The following CTIF variants were observed in gnomAD, a reference collection of about 807,000 sequenced individuals.
CTIF encodes cap binding complex dependent translation initiation factor.
In CTIF, 21 loss-of-function variants were observed where a neutral mutation model predicts 66.0. The observed-to-expected ratio is 0.32, with a 90% CI of 0.23 to 0.46. The LOEUF is 0.46. CTIF is among the 20% of genes least tolerant of loss of function. The pLI is 1.00. For synonymous variants in CTIF, 345 were observed against 326.4 expected (o/e 1.06, Z -0.62); for missense variants, 739 against 812.7 (o/e 0.91, Z 1.10).
chr18:48,740,761 C>G (rs1168931036), intron 7 of CTIF, among the ~76,000 whole-genome samples: 1 of 152,308 alleles, frequency 6.6e-6, no homozygotes, highest in East Asian at 1.9e-4. Flanking sequence ...GGAGTGGACT[C>G]CAGCTCCTGG....
chr18:48,858,382 G>A (rs1349101947), intron 11 of CTIF, among the ~76,000 whole-genome samples: 1 of 152,274 alleles, frequency 6.6e-6, no homozygotes, highest in African/African-American at 2.4e-5. Flanking sequence ...GCACCCTACA[G>A]GGGGCTTGGG....
At chr18:48,572,184 G>A (rs950855119) in intron 1 of CTIF, among the ~76,000 whole-genome samples, 7 of 151,596 alleles carry the variant, frequency 4.6e-5, no homozygotes, top group Admixed American at 6.6e-5. Flanking sequence ...CTTTGCTCGT[G>A]GGGCCTTCAA....
intron 5 of CTIF, among the ~76,000 whole-genome samples, chr18:48,670,319 G>C (rs1371475207): frequency 6.6e-6 from 1 of 152,200 alleles, no homozygotes; most frequent in Non-Finnish European, 1.5e-5. Flanking sequence ...AAAGTTGCTT[G>C]GTGTCTCTGT....
intron 3 of CTIF, among the ~76,000 whole-genome samples, chr18:48,640,199 G>A (rs1275351375): frequency 2.6e-5 from 4 of 152,174 alleles, no homozygotes; most frequent in Non-Finnish European, 5.9e-5. Flanking sequence ...CACCACCCAT[G>A]AGCACCCCGG....
chr18:48,860,579 G>GCAAA lies in CTIF; in HGVS notation c.*1023_*1026dup, dbSNP rs2069443567. On this transcript the variant is annotated 3_prime_UTR_variant, in exon 12 of 12. Coordinates refer to ENST00000256413, the MANE Select transcript of CTIF (RefSeq NM_014772.3). ...TGGTCCTGGCCCCAGGGGCCTTGTG[G>GCAAA]CAAACAGGGCACAGAACGAGACTGG... 6.5e-6 allele frequency: 1 copy of GCAAA among 152,942 alleles called. No individual in the cohort carries two copies. The highest frequency in any genetic ancestry group is 2.4e-5 in the African/African-American group (1 of 41,452). The allele number at this position is 152,942 out of a possible 1,614,324, so 9.5% of individuals were successfully genotyped here. A position where few individuals can be genotyped will look rare whatever the true frequency, so the allele number is the denominator to read the frequency against.
At chr18:48,594,931 T>C (rs571795120) in intron 1 of CTIF, among the ~76,000 whole-genome samples, 60 of 151,962 alleles carry the variant, frequency 3.9e-4, no homozygotes, top group Non-Finnish European at 4.9e-4. Flanking sequence ...ACTGCAGGAG[T>C]TGCTGTCAGG....
intron 3 of CTIF, among the ~76,000 whole-genome samples, chr18:48,644,316 A>C (rs1380154651): frequency 6.6e-6 from 1 of 152,152 alleles, no homozygotes; most frequent in Admixed American, 6.5e-5. Flanking sequence ...GGCTGTTTGC[A>C]TGGAGGGTAG....
intron 3 of CTIF, among the ~76,000 whole-genome samples, chr18:48,650,058 G>A (rs1457259070): frequency 6.6e-6 from 1 of 152,178 alleles, no homozygotes; most frequent in East Asian, 1.9e-4. Context: ...CTAAAAACAA[G>A]AGCGCCTCTT....
At chr18:48,597,798 T>C (rs2090014285) in intron 1 of CTIF, among the ~76,000 whole-genome samples, 1 of 152,158 alleles carries the variant, frequency 6.6e-6, no homozygotes, top group Non-Finnish European at 1.5e-5. Context: ...TGGATAGCAG[T>C]TGTCTGGGCA....
At chr18:48,561,533 A>G (rs2089164240) in intron 1 of CTIF, among the ~76,000 whole-genome samples, 3 of 152,188 alleles carry the variant, frequency 2.0e-5, no homozygotes, top group African/African-American at 7.2e-5. Context: ...CCACTGTGGC[A>G]AGACCCTGTG....
intron 1 of CTIF, among the ~76,000 whole-genome samples, chr18:48,553,335 A>T (rs1301842048): frequency 6.6e-6 from 1 of 152,236 alleles, no homozygotes; most frequent in African/African-American, 2.4e-5. Context: ...GAGAGAAGCC[A>T]GCCACGGGCG....
At chr18:48,605,111 A>T (rs886895717) in intron 1 of CTIF, among the ~76,000 whole-genome samples, 1 of 152,172 alleles carries the variant, frequency 6.6e-6, no homozygotes, top group Non-Finnish European at 1.5e-5. Context: ...TTATGTAGAC[A>T]TGTGTTTTCA....
intron 6 of CTIF, among the ~76,000 whole-genome samples, chr18:48,700,814 C>T (rs1294469860): frequency 6.6e-6 from 1 of 152,240 alleles, no homozygotes; most frequent in African/African-American, 2.4e-5. Flanking sequence ...GCCCATGCCC[C>T]TCTTGGAGAC....
chr18:48,649,850 G>A (rs867288865), intron 3 of CTIF, among the ~76,000 whole-genome samples: 7 of 152,188 alleles, frequency 4.6e-5, no homozygotes, highest in Non-Finnish European at 8.8e-5. Flanking sequence ...TGGAGTGGAC[G>A]TCCAGCAAAC....
intron 9 of CTIF, among the ~76,000 whole-genome samples, chr18:48,782,127 A>T (rs1362954157): frequency 6.6e-6 from 1 of 151,810 alleles, no homozygotes; most frequent in East Asian, 2.0e-4. Context: ...TCACGGGCCC[A>T]GCCAAGTGAG....
rs1311899642 is a variant in CTIF at position 48,758,003 on chromosome 18, C to G, written c.669C>G (p.His223Gln). ...GCAGTGCCAAACACAACAGGGACCACCAGAAATCCTACCAGGGGGGCTCAG... is the reference window on the plus strand; with the variant it reads ...GCAGTGCCAAACACAACAGGGACCAGCAGAAATCCTACCAGGGGGGCTCAG... ...QPGSAKHNRD[H>Q]QKSYQGGSAP... Residue 223 changes from histidine to glutamine, a missense_variant, in exon 8 of 12, where the codon CAC becomes CAG. Coordinates refer to ENST00000256413, the MANE Select transcript of CTIF (RefSeq NM_014772.3). 2 of 1,614,038 alleles carry G rather than the reference C, an allele frequency of 1.2e-6. No individual in the cohort carries two copies. The highest frequency in any genetic ancestry group is 8.5e-7 in the Non-Finnish European group (1 of 1,180,010).
At chr18:48,670,927 A>G (rs1054322474) in intron 6 of CTIF, among the ~76,000 whole-genome samples, 183 bp downstream of exon 6, 1 of 152,064 alleles carries the variant, frequency 6.6e-6, no homozygotes, top group Non-Finnish European at 1.5e-5. Context: ...TCCCATTGTG[A>G]TCGTGTGTGT....
intron 10 of CTIF, among the ~76,000 whole-genome samples, chr18:48,847,995 G>A (rs983389913): frequency 1.3e-5 from 2 of 152,178 alleles, no homozygotes; most frequent in African/African-American, 2.4e-5. Flanking sequence ...ACAGGTCCAG[G>A]TCCCGCAGAG....
intron 3 of CTIF, among the ~76,000 whole-genome samples, chr18:48,644,750 T>C (rs978046074): frequency 6.6e-6 from 1 of 152,008 alleles, no homozygotes; most frequent in Non-Finnish European, 1.5e-5. Flanking sequence ...AGCATGTGAG[T>C]ATGGGGAGGA....
Sources: gnomAD v4.1 joint callset for allele counts (sites outside exome capture counted in the v4.1 genomes callset) on GRCh38, gnomAD v4.1.1 for gene constraint, MANE v1.5 for transcripts, NCBI Gene and HGNC (gene_info 2026-07-23, HGNC 2026-07-21) for gene names.